Variants in DNMT3B observed in about 807,000 individuals in gnomAD.
DNMT3B encodes the protein DNA methyltransferase 3 beta, also known as DNA (cytosine-5)-methyltransferase 3B.
Under a neutral mutation model 120.2 loss-of-function variants are expected in DNMT3B, and 37 were observed. That is an observed-to-expected ratio of 0.31 (90% CI 0.24 to 0.40). DNMT3B has a LOEUF of 0.40. DNMT3B is among the 10% of genes least tolerant of loss of function. The pLI is 1.00. For synonymous variants in DNMT3B, 412 were observed against 442.8 expected (o/e 0.93, Z 0.87); for missense variants, 878 against 1,137.3 (o/e 0.77, Z 3.28).
intron 6 of DNMT3B, among the ~76,000 whole-genome samples, chr20:32,788,527 C>T (rs1439666967): frequency 6.6e-6 from 1 of 152,172 alleles, no homozygotes; most frequent in Non-Finnish European, 1.5e-5. Context: ...GTCTCAAACT[C>T]CTGGCCTCAA....
intron 6 of DNMT3B, among the ~76,000 whole-genome samples, chr20:32,788,366 C>A (rs1241638900): frequency 1.3e-5 from 2 of 152,156 alleles, no homozygotes; most frequent in Non-Finnish European, 2.9e-5. Context: ...GCTTAATTAA[C>A]CGATTCAGGT....
intron 21 of DNMT3B, 117 bp downstream of exon 21, chr20:32,805,524 G>T: frequency 1.7e-6 from 2 of 1,148,694 alleles, no homozygotes. Flanking sequence ...ACTTCCTGGT[G>T]TTGGGCTTCC....
rs963402827 is a variant in DNMT3B at position 32,809,147 on chromosome 20, G to A, written c.*1244G>A. On this transcript the variant is annotated 3_prime_UTR_variant, in exon 23 of 23. Coordinates refer to ENST00000328111, the MANE Select transcript of DNMT3B (RefSeq NM_006892.4). ...ATAAGGAACAACGTTGACAAGTTTT[G>A]TGGGGCTTTTTATACACTTTTTAAA... is the stretch of plus-strand genomic sequence containing the variant. The A allele has an allele frequency of 2.3e-5, 5 of 215,002 alleles. No homozygotes were observed. Among genetic ancestry groups the A allele is most frequent in the Non-Finnish European group, 3.8e-5 (4 of 106,352 alleles). 13.3% of individuals were successfully genotyped at this position (215,002 alleles called of 1,614,324 possible). A position where few individuals can be genotyped will look rare whatever the true frequency, so the allele number is the denominator to read the frequency against.
Position 32,780,427 on chromosome 20 carries a change from C to T in DNMT3B, c.104C>T (p.Pro35Leu), listed in dbSNP as rs1210229346. The T allele has an allele frequency of 1.2e-6, 2 of 1,613,608 alleles. No individual in the cohort carries two copies. The highest frequency in any genetic ancestry group is 8.5e-7 in the Non-Finnish European group (1 of 1,180,010). Residue 35 changes from proline to leucine, a missense_variant, in exon 2 of 23, where the codon CCC becomes CTC. By Grantham distance (98) the Pro-to-Leu change is moderately conservative. Transcript: ENST00000328111. Reference sequence around the variant, plus strand: ...TGCAGCGACCAGTCCTCCGACTCGCCCCCAATCCTGGAGGCTATCCGCACC... The same window carrying T: ...TGCAGCGACCAGTCCTCCGACTCGCTCCCAATCCTGGAGGCTATCCGCACC... Reference protein sequence around the residue: ...GACSDQSSDSPPILEAIRTPE... With the variant: ...GACSDQSSDSLPILEAIRTPE...
chr20:32,797,164 T>G (rs770276645), intron 13 of DNMT3B, 23 bp from the exon 14 acceptor site: 5 of 1,612,344 alleles, frequency 3.1e-6, no homozygotes, highest in East Asian at 2.2e-5. Flanking sequence ...CCGATTTCAC[T>G]GGTGTTTCTC....
intron 7 of DNMT3B, among the ~76,000 whole-genome samples, chr20:32,789,464 T>C (rs1288619870): frequency 1.3e-5 from 2 of 152,164 alleles, no homozygotes; most frequent in Non-Finnish European, 2.9e-5. Context: ...TTAGTAGAAT[T>C]GGGTATTTCA....
intron 1 of DNMT3B, among the ~76,000 whole-genome samples, chr20:32,766,973 C>T (rs988242857): frequency 5.3e-5 from 8 of 152,122 alleles, no homozygotes; most frequent in African/African-American, 1.7e-4. Flanking sequence ...TCACTGCAAC[C>T]TTTGCTTCCC....
rs951435928 is a variant in DNMT3B, at chr20:32,792,533, G to C, written c.922-93G>C. 1.1e-5 allele frequency: 18 copies of C among 1,603,872 alleles called. No individual in the cohort carries two copies. In the African/African-American group the frequency reaches 1.9e-4, roughly 17 times the overall value. On this transcript the variant is annotated intron_variant, in intron 8 of 22. Coordinates refer to ENST00000328111, the MANE Select transcript of DNMT3B (RefSeq NM_006892.4). ...GCTATGAAAGGGCCCAGTGTGAAGG[G>C]GAATGTAGGCCCTGGCTGGGGGAAT...
rs771746763 is a variant in DNMT3B at position 32,808,235 on chromosome 20, G to A, written c.*332G>A. On this transcript the variant is annotated 3_prime_UTR_variant, in exon 23 of 23. Coordinates refer to ENST00000328111, the MANE Select transcript of DNMT3B (RefSeq NM_006892.4). Reference sequence around the variant, plus strand: ...TGGGTCTACCACTCAGAGAAACAATGGCTAAGATACCAAAACCACAGTGCC... The same window carrying A: ...TGGGTCTACCACTCAGAGAAACAATAGCTAAGATACCAAAACCACAGTGCC... The A allele has an allele frequency of 7.5e-5, 31 of 414,176 alleles. No individual in the cohort carries two copies. The highest frequency in any genetic ancestry group is 1.2e-4 in the Non-Finnish European group (27 of 222,500). The allele number at this position is 414,176 out of a possible 1,614,324, so 25.7% of individuals were successfully genotyped here. A position where few individuals can be genotyped will look rare whatever the true frequency, so the allele number is the denominator to read the frequency against.
intron 1 of DNMT3B, chr20:32,779,785 G>A: frequency 2.0e-6 from 1 of 496,492 alleles, no homozygotes; most frequent in South Asian, 2.3e-5. Flanking sequence ...GTGCTGCCAT[G>A]GAGAGGAGAG....
intron 1 of DNMT3B, among the ~76,000 whole-genome samples, chr20:32,779,541 T>A (rs1023625143): frequency 1.3e-5 from 2 of 152,198 alleles, no homozygotes; most frequent in African/African-American, 4.8e-5. Context: ...GTTAGCTGAT[T>A]TACCTGACCA....
chr20:32,773,061 C>T (rs553128657), intron 1 of DNMT3B, among the ~76,000 whole-genome samples: 39 of 151,770 alleles, frequency 2.6e-4, no homozygotes, highest in Admixed American at 2.0e-3. Flanking sequence ...TCATGTAATC[C>T]GCCCTCCTCG....
At chr20:32,779,806 G>A in intron 1 of DNMT3B, 1 of 542,382 alleles carries the variant, frequency 1.8e-6, no homozygotes, top group Non-Finnish European at 3.3e-6. Flanking sequence ...AAGCGGTTCT[G>A]TGGGGGAGGA....
intron 1 of DNMT3B, among the ~76,000 whole-genome samples, chr20:32,775,793 C>G (rs1410543670): frequency 1.3e-5 from 2 of 152,268 alleles, no homozygotes; most frequent in Non-Finnish European, 2.9e-5. Flanking sequence ...TCTTGTCTGT[C>G]TTGTCTCAGT....
chr20:32,796,316 A>G (rs535257610), intron 12 of DNMT3B, among the ~76,000 whole-genome samples: 6 of 152,316 alleles, frequency 3.9e-5, no homozygotes, highest in Admixed American at 3.9e-4. Flanking sequence ...CTACCCAGCC[A>G]GGGATGCAAC....
rs759902349 is a variant in DNMT3B at position 32,793,644 on chromosome 20, T to G, written c.1126+49T>G. The G allele has an allele frequency of 1.0e-5, 16 of 1,597,440 alleles. No individual in the cohort carries two copies. In the East Asian group the frequency reaches 3.3e-4, roughly 33 times the overall value. On this transcript the variant is annotated intron_variant, in intron 10 of 22. Transcript: ENST00000328111. ...TGTGCCCTGTTTTCTATGCACTTTC[T>G]TCTGATTTCTTTGCATATAAAATGG...
At chr20:32,780,079 G>T in intron 1 of DNMT3B, 1 of 1,610,332 alleles carries the variant, frequency 6.2e-7, no homozygotes, top group Non-Finnish European at 8.5e-7. Flanking sequence ...CTCTGTCCTG[G>T]GTGCTGGCGT....
intron 1 of DNMT3B, among the ~76,000 whole-genome samples, chr20:32,762,971 G>C (rs937220944): frequency 1.3e-5 from 2 of 152,120 alleles, no homozygotes; most frequent in African/African-American, 4.8e-5. Context: ...GGACGCGTCT[G>C]CTGCCTCCAG....
intron 1 of DNMT3B, among the ~76,000 whole-genome samples, chr20:32,778,427 G>T (rs541478745): frequency 1.3e-5 from 2 of 151,952 alleles, no homozygotes; most frequent in Admixed American, 6.6e-5. Context: ...GATTTCTCCA[G>T]CCAGCTCCCA....
Sources: gnomAD v4.1 joint callset for allele counts (sites outside exome capture counted in the v4.1 genomes callset) on GRCh38, gnomAD v4.1.1 for gene constraint, MANE v1.5 for transcripts, NCBI Gene and HGNC (gene_info 2026-07-23, HGNC 2026-07-21) for gene names.